The following CADPS2 variants were observed in gnomAD, a reference collection of about 807,000 sequenced individuals.
CADPS2 encodes the protein calcium dependent secretion activator 2, also known as calcium-dependent secretion activator 2.
Under a neutral mutation model 172.5 loss-of-function variants are expected in CADPS2, and 93 were observed. That is an observed-to-expected ratio of 0.54 (90% confidence interval 0.46 to 0.64). CADPS2 has a LOEUF of 0.64. Among genes scored for constraint, CADPS2 ranks in the 30% least tolerant of loss-of-function variants. The pLI is 0.00. For synonymous variants in CADPS2, 546 were observed against 555.2 expected (o/e 0.98, Z 0.23); for missense variants, 1,420 against 1,565.9 (o/e 0.91, Z 1.57).
At chr7:122,528,373 A>G (rs1369361805) in intron 8 of CADPS2, among the ~76,000 whole-genome samples, 1 of 152,200 alleles carries the variant, frequency 6.6e-6, no homozygotes, top group Non-Finnish European at 1.5e-5. Flanking sequence ...ATTAGATAAA[A>G]GCAATGTTTC....
chr7:122,427,446 C>T (rs975511415), intron 17 of CADPS2: 6 of 152,168 alleles, frequency 3.9e-5, no homozygotes, highest in South Asian at 2.1e-4. Context: ...ATAAAGAGTA[C>T]TAAATTTATA....
At chr7:122,527,613 AGAGAGTGTGT>A (rs779919420) in intron 8 of CADPS2, among the ~76,000 whole-genome samples, 29 of 101,998 alleles carry the variant, frequency 2.8e-4, no homozygotes, top group African/African-American at 1.0e-3. Flanking sequence ...AGAGAGAGAG[AGAGAGTGTGT>A]GTGTGTGTGT....
At chr7:122,363,052 C>T (rs1010484276) in intron 25 of CADPS2, among the ~76,000 whole-genome samples, 7 of 152,218 alleles carry the variant, frequency 4.6e-5, no homozygotes, top group South Asian at 4.1e-4. Context: ...CACAAAATTG[C>T]GAATTGCTCA....
intron 8 of CADPS2, among the ~76,000 whole-genome samples, chr7:122,529,774 C>T (rs993396331): frequency 1.1e-4 from 16 of 152,046 alleles, no homozygotes; most frequent in African/African-American, 2.4e-4. Context: ...TGAAGATCCA[C>T]GCCAAAATTA....
intron 3 of CADPS2, among the ~76,000 whole-genome samples, chr7:122,629,702 T>TA (rs1310002939): frequency 1.3e-5 from 2 of 152,112 alleles, no homozygotes; most frequent in African/African-American, 4.8e-5. Context: ...CTTTGTACTT[T>TA]AAAAAAACTC....
intron 1 of CADPS2, among the ~76,000 whole-genome samples, chr7:122,820,549 G>GTTTTTT (rs1185277617): frequency 2.0e-5 from 2 of 99,786 alleles, no homozygotes; most frequent in African/African-American, 8.8e-5. Flanking sequence ...ACTGTTTTTT[G>GTTTTTT]TTTTTTGTTT....
intron 1 of CADPS2, among the ~76,000 whole-genome samples, chr7:122,873,475 C>A (rs904847935): frequency 6.6e-5 from 10 of 152,130 alleles, no homozygotes; most frequent in African/African-American, 2.4e-4. Context: ...TCAGCTTCAT[C>A]CATGCCCCTG....
intron 1 of CADPS2, chr7:122,850,279 CA>C: frequency 1.5e-6 from 1 of 687,032 alleles, no homozygotes; most frequent in Middle Eastern, 2.8e-4. Context: ...CAGGACTCCC[CA>C]GCAGCCTCCT....
At chr7:122,822,887 T>C (rs1381872928) in intron 1 of CADPS2, among the ~76,000 whole-genome samples, 1 of 151,212 alleles carries the variant, frequency 6.6e-6, no homozygotes, top group Non-Finnish European at 1.5e-5. Context: ...CACCCCTATC[T>C]CCCTTCGCTG....
rs779349083 is a variant in CADPS2 at position 122,393,455 on chromosome 7, T to G, written c.2874A>C (p.Thr958=). The change falls in exon 21 of 30, where the codon ACA becomes ACC. Residue 958 remains threonine (T), a synonymous_variant. Coordinates refer to ENST00000449022, the MANE Select transcript of CADPS2 (RefSeq NM_017954.11). The part of the protein sequence containing the change: ...QSIHRGFEQE[T]WQPVKNIANS... ...AAGATACCTACTTGACAGGCTGCCATGTCTCCTGCTCAAAACCTCTGTGAA... is the reference window on the plus strand; with the variant it reads ...AAGATACCTACTTGACAGGCTGCCAGGTCTCCTGCTCAAAACCTCTGTGAA... 1 of 1,613,870 alleles carries G rather than the reference T, an allele frequency of 6.2e-7. No homozygotes were observed.
intron 2 of CADPS2, among the ~76,000 whole-genome samples, chr7:122,731,069 G>T (rs1462499980): frequency 6.6e-6 from 1 of 150,982 alleles, no homozygotes; most frequent in African/African-American, 2.4e-5. Context: ...AATGGTGGTG[G>T]GGGTGGGGGT....
At chr7:122,550,701 G>C (rs193280973) in intron 8 of CADPS2, among the ~76,000 whole-genome samples, 15 of 152,150 alleles carry the variant, frequency 9.9e-5, no homozygotes, top group Admixed American at 9.8e-4. Context: ...CTGTTACTTA[G>C]CCACTAGGCT....
intron 28 of CADPS2, among the ~76,000 whole-genome samples, chr7:122,337,591 G>T (rs2036060510): frequency 6.6e-6 from 1 of 152,064 alleles, no homozygotes; most frequent in African/African-American, 2.4e-5. Context: ...ACCACGTCTG[G>T]ACTTGCCAAA....
chr7:122,842,148 C>G lies in CADPS2; in HGVS notation c.339+43851G>C, dbSNP rs146921647. On this transcript the variant is annotated intron_variant, in intron 1 of 29. Transcript: ENST00000449022. ...AGCTTTGGCTCAGGAACACGGCCCA[C>G]TTCAGATGCCCCTGCAAGGGAAGAG... is the stretch of plus-strand genomic sequence containing the variant. 4.1e-4 allele frequency among the ~76,000 whole-genome samples: 62 copies of G among 152,312 alleles called. No homozygotes were observed. In the East Asian group the frequency reaches 9.3e-3, roughly 23 times the overall value.
intron 14 of CADPS2, among the ~76,000 whole-genome samples, chr7:122,458,993 T>C (rs1017862847): frequency 1.1e-4 from 17 of 152,020 alleles, no homozygotes; most frequent in Non-Finnish European, 1.3e-4. Flanking sequence ...GGACTTCATA[T>C]ATATCATACT....
chr7:122,380,707 C>T (rs1291949163), intron 24 of CADPS2, among the ~76,000 whole-genome samples: 1 of 152,024 alleles, frequency 6.6e-6, no homozygotes, highest in Non-Finnish European at 1.5e-5. Flanking sequence ...AATATAAGTG[C>T]ATAATGATGA....
chr7:122,467,393 G>A (rs1356991099), intron 14 of CADPS2, among the ~76,000 whole-genome samples: 1 of 152,186 alleles, frequency 6.6e-6, no homozygotes, highest in East Asian at 1.9e-4. Context: ...TTGGAAGTTT[G>A]AGGCATAATT....
intron 2 of CADPS2, among the ~76,000 whole-genome samples, chr7:122,708,117 A>G (rs963410520): frequency 1.3e-5 from 2 of 151,934 alleles, no homozygotes; most frequent in South Asian, 2.1e-4. Flanking sequence ...TAATCTACCC[A>G]TTTAGAAAAA....
At chr7:122,841,812 G>A (rs1186819219) in intron 1 of CADPS2, among the ~76,000 whole-genome samples, 1 of 151,518 alleles carries the variant, frequency 6.6e-6, no homozygotes, top group South Asian at 2.1e-4. Context: ...TACAATAAAA[G>A]TTTAGTACTG....
Sources: gnomAD v4.1 joint callset for allele counts (sites outside exome capture counted in the v4.1 genomes callset) on GRCh38, gnomAD v4.1.1 for gene constraint, MANE v1.5 for transcripts, NCBI Gene and HGNC (gene_info 2026-07-23, HGNC 2026-07-21) for gene names.